Variants in SBF2 observed in about 807,000 individuals in gnomAD.
SBF2 encodes the protein myotubularin-related protein 13.
A neutral mutation model predicts 225.2 loss-of-function variants in SBF2; 112 were observed. The observed-to-expected ratio is 0.50, with a 90% CI of 0.43 to 0.58. The LOEUF (loss-of-function observed/expected upper bound fraction) is 0.58. Ranked by LOEUF, SBF2 falls within the 20% of genes least tolerant of loss-of-function variation. SBF2 has a pLI of 0.00. For missense variants in SBF2, 1,996 were observed against 2,206.2 expected, an observed-to-expected ratio of 0.90 and a Z score of 1.91; for synonymous variants, 763 against 773.3, an observed-to-expected ratio of 0.99 and a Z score of 0.22.
intron 1 of SBF2, among the ~76,000 whole-genome samples, chr11:10,226,400 T>G (rs975278591): frequency 6.6e-6 from 1 of 152,176 alleles, no homozygotes; most frequent in Non-Finnish European, 1.5e-5. Flanking sequence ...AACATATGTA[T>G]ACATGTGCCA....
At chr11:10,051,422 C>T (rs1950059313) in intron 2 of SBF2, among the ~76,000 whole-genome samples, 1 of 152,032 alleles carries the variant, frequency 6.6e-6, no homozygotes, top group African/African-American at 2.4e-5. Flanking sequence ...ACCCTTAAAA[C>T]TTTTGGGAAA....
chr11:10,140,138 C>G (rs1268269669), intron 2 of SBF2, among the ~76,000 whole-genome samples: 3 of 152,146 alleles, frequency 2.0e-5, no homozygotes, highest in African/African-American at 4.8e-5. Flanking sequence ...GTGCCAGGAC[C>G]ATCTTTTGTT....
At chr11:9,893,994 G>A (rs1861042761) in intron 17 of SBF2, among the ~76,000 whole-genome samples, 1 of 152,094 alleles carries the variant, frequency 6.6e-6, no homozygotes, top group African/African-American at 2.4e-5. Flanking sequence ...CACTGTAATC[G>A]CAGCACTTTG....
intron 17 of SBF2, among the ~76,000 whole-genome samples, chr11:9,891,466 A>T (rs1860809627): frequency 6.6e-6 from 1 of 152,196 alleles, no homozygotes; most frequent in African/African-American, 2.4e-5. Flanking sequence ...TGATCAATGG[A>T]TATGAAAGGC....
Position 9,812,667 on chromosome 11 carries a change from A to T in SBF2, c.4020T>A (p.Pro1340=). The T allele has an allele frequency of 6.2e-7, 1 of 1,614,248 alleles. No individual in the cohort carries two copies. ...CTTGCCGGATTTCATGAAATTCAAC[A>T]GGAACAAACTCACAATTTAAAGCAA... The part of the protein sequence containing the change: ...VEFALNCEFV[P]VEFHEIRQVK... Residue 1340 remains proline, a synonymous_variant, in exon 30 of 40, where the codon CCT becomes CCA. Transcript: ENST00000256190.
At chr11:10,205,031 A>G (rs961857054) in intron 1 of SBF2, among the ~76,000 whole-genome samples, 3 of 151,900 alleles carry the variant, frequency 2.0e-5, no homozygotes, top group African/African-American at 7.3e-5. Flanking sequence ...GGGGGGAGGC[A>G]GAGTATCAGG....
chr11:10,021,168 G>A (rs1246446096), intron 6 of SBF2, among the ~76,000 whole-genome samples: 1 of 152,050 alleles, frequency 6.6e-6, no homozygotes, highest in African/African-American at 2.4e-5. Flanking sequence ...GAAAACTGTT[G>A]GATACATTTT....
At chr11:9,841,077 T>C (rs1346994503) in intron 25 of SBF2, among the ~76,000 whole-genome samples, 1 of 152,210 alleles carries the variant, frequency 6.6e-6, no homozygotes, top group Non-Finnish European at 1.5e-5. Context: ...AAAGTACTAA[T>C]GTGCAGGCAA....
chr11:9,881,770 G>A (rs185325645), intron 17 of SBF2, among the ~76,000 whole-genome samples: 69 of 151,972 alleles, frequency 4.5e-4, no homozygotes, highest in African/African-American at 1.5e-3. Context: ...AGTTGATTTT[G>A]TAAGGAAAAC....
rs568134726 is a variant in SBF2, at chr11:10,221,179, G to A, written c.56-27192C>T. Reference sequence around the variant, plus strand: ...GTTGCCCAGGCTGGAGTACAATGCCGCAATATCAGCTCATTGCAGCCTCTG... The same window carrying A: ...GTTGCCCAGGCTGGAGTACAATGCCACAATATCAGCTCATTGCAGCCTCTG... On this transcript the variant is annotated intron_variant, in intron 1 of 39. Coordinates refer to ENST00000256190, the MANE Select transcript of SBF2 (RefSeq NM_030962.4). 2.0e-3 allele frequency among the ~76,000 whole-genome samples: 288 copies of A among 147,648 alleles called. 1 individual carries two copies. The highest frequency in any genetic ancestry group is 2.2e-3 in the Non-Finnish European group (149 of 67,464).
intron 16 of SBF2, among the ~76,000 whole-genome samples, chr11:9,902,649 T>C (rs539124835): frequency 7.2e-5 from 11 of 152,268 alleles, no homozygotes; most frequent in African/African-American, 2.6e-4. Context: ...TGACACCAGA[T>C]AGAAAGTCTG....
chr11:10,270,706 A>C (rs1297970438), intron 1 of SBF2, among the ~76,000 whole-genome samples: 1 of 152,196 alleles, frequency 6.6e-6, no homozygotes, highest in Non-Finnish European at 1.5e-5. Flanking sequence ...TTAAGAAGTA[A>C]AATGAGGACG....
At chr11:10,176,260 C>G (rs866924459) in intron 2 of SBF2, among the ~76,000 whole-genome samples, 1 of 149,768 alleles carries the variant, frequency 6.7e-6, no homozygotes, top group East Asian at 2.0e-4. Flanking sequence ...AATTGACACC[C>G]TAACATCACA....
intron 1 of SBF2, among the ~76,000 whole-genome samples, chr11:10,301,618 T>G (rs186973894): frequency 8.5e-5 from 13 of 152,336 alleles, no homozygotes; most frequent in African/African-American, 2.9e-4. Flanking sequence ...CTACTCACAT[T>G]TTAGTTATTC....
At chr11:10,161,184 C>CAAAAAAAAAAAAAAAAAAAAAAAAAAA (rs56779207) in intron 2 of SBF2, among the ~76,000 whole-genome samples, 1 of 75,348 alleles carries the variant, frequency 1.3e-5, no homozygotes, top group African/African-American at 5.3e-5. Context: ...GACTCTGTCT[C>CAAAAAAAAAAAAAAAAAAAAAAAAAAA]AAAAAAAAAA....
intron 17 of SBF2, among the ~76,000 whole-genome samples, chr11:9,881,596 A>G (rs980166437): frequency 1.3e-5 from 2 of 152,092 alleles, no homozygotes; most frequent in South Asian, 4.1e-4. Context: ...ATTTCTCATG[A>G]TAACACTTTG....
chr11:10,161,274 A>G (rs1010661699), intron 2 of SBF2, among the ~76,000 whole-genome samples: 1 of 152,038 alleles, frequency 6.6e-6, no homozygotes, highest in Non-Finnish European at 1.5e-5. Flanking sequence ...GACACACCCA[A>G]AGTTATGCAT....
At position 10,028,703 on chromosome 11, in the gene SBF2, A is replaced by G. The variant is rs1949138824; in HGVS notation, c.514-146T>C. Reference sequence around the variant, plus strand: ...ACAAAAGGCAACAATGTATATCCCAAAACATTTAAGTTCTTTGTATACTTA... The same window carrying G: ...ACAAAAGGCAACAATGTATATCCCAGAACATTTAAGTTCTTTGTATACTTA... On this transcript the variant is annotated intron_variant, in intron 5 of 39. Coordinates refer to ENST00000256190, the MANE Select transcript of SBF2 (RefSeq NM_030962.4). 1.1e-5 allele frequency: 7 copies of G among 665,232 alleles called. No individual in the cohort carries two copies. In the East Asian group the frequency reaches 1.8e-4, roughly 18 times the overall value. 41.2% of individuals were successfully genotyped at this position (665,232 alleles called of 1,614,324 possible).
intron 13 of SBF2, among the ~76,000 whole-genome samples, chr11:9,969,245 T>G (rs1867167135): frequency 6.6e-6 from 1 of 152,240 alleles, no homozygotes; most frequent in Non-Finnish European, 1.5e-5. Flanking sequence ...GTTTACAACT[T>G]GGCCAGTTTC....
Sources: allele counts gnomAD v4.1 joint callset (sites outside exome capture counted in the v4.1 genomes callset), GRCh38; gene constraint gnomAD v4.1.1; transcripts MANE v1.5; gene names NCBI Gene and HGNC (gene_info 2026-07-23, HGNC 2026-07-21).